Variants in VPS45 observed in about 807,000 individuals in gnomAD.
The protein encoded by VPS45 is vacuolar protein sorting-associated protein 45.
VPS45 carries 35 observed loss-of-function variants against 75.9 expected under a neutral mutation model. The ratio of observed to expected loss-of-function variants is 0.46; its 90% CI spans 0.35 to 0.61. The LOEUF (loss-of-function observed/expected upper bound fraction) is 0.61, where lower values mean the gene tolerates loss of function less well. Ranked by LOEUF, VPS45 falls within the 20% of genes least tolerant of loss-of-function variation. VPS45 has a pLI of 0.00. For synonymous variants in VPS45, 220 were observed against 238.2 expected (o/e 0.92, Z 0.70); for missense variants, 559 against 685.9 (o/e 0.81, Z 2.07).
At chr1:150,076,335 A>G in intron 4 of VPS45, 23 bp downstream of exon 4, 1 of 1,577,138 alleles carries the variant, frequency 6.3e-7, no homozygotes, top group Non-Finnish European at 8.7e-7. Flanking sequence ...GTCCTGTAAC[A>G]CATCTCGTAT....
intron 10 of VPS45, among the ~76,000 whole-genome samples, chr1:150,085,917 C>T (rs1571839493): frequency 1.3e-5 from 2 of 151,964 alleles, no homozygotes; most frequent in East Asian, 3.9e-4. Context: ...GAAGATTTGC[C>T]ATACCATGAA....
intron 10 of VPS45, among the ~76,000 whole-genome samples, chr1:150,084,293 G>A (rs781865028): frequency 5.3e-5 from 8 of 152,158 alleles, no homozygotes; most frequent in Non-Finnish European, 1.2e-4. Flanking sequence ...AGGATCTTAT[G>A]TAGAAAGTTG....
intron 14 of VPS45, among the ~76,000 whole-genome samples, chr1:150,141,451 A>G (rs919930302): frequency 2.6e-5 from 4 of 152,222 alleles, no homozygotes; most frequent in African/African-American, 9.6e-5. Flanking sequence ...GAATAGAAAC[A>G]CAGTTGTTCA....
intron 13 of VPS45, among the ~76,000 whole-genome samples, chr1:150,108,226 A>G (rs190250986): frequency 9.8e-5 from 15 of 152,320 alleles, no homozygotes; most frequent in African/African-American, 3.6e-4. Flanking sequence ...GGAGTTTAGA[A>G]GAAAGGTCTG....
chr1:150,101,268 C>CAA (rs782740342), intron 13 of VPS45, among the ~76,000 whole-genome samples: 129,410 of 137,340 alleles, frequency 0.94, 61,159 homozygotes, highest in East Asian at 0.99. Flanking sequence ...AACCCTGTCG[C>CAA]AAAAAAAAAA....
chr1:150,080,868 G>A (rs1553799158), intron 7 of VPS45, among the ~76,000 whole-genome samples: 1 of 152,122 alleles, frequency 6.6e-6, no homozygotes, highest in African/African-American at 2.4e-5. Context: ...CAACTCACAA[G>A]GTTTTTCTGA....
chr1:150,070,075 T>G (rs1240776177), intron 2 of VPS45, among the ~76,000 whole-genome samples: 1 of 152,154 alleles, frequency 6.6e-6, no homozygotes, highest in East Asian at 1.9e-4. Context: ...CATAGTCTTC[T>G]TCCTCTGCCT....
chr1:150,126,058 G>A (rs1235068104), intron 14 of VPS45, among the ~76,000 whole-genome samples: 4 of 151,912 alleles, frequency 2.6e-5, no homozygotes, highest in Admixed American at 1.3e-4. Flanking sequence ...TCCCCATCTC[G>A]GTGGGGACAA....
intron 14 of VPS45, among the ~76,000 whole-genome samples, chr1:150,120,369 T>C (rs1658173047): frequency 6.6e-6 from 1 of 152,188 alleles, no homozygotes; most frequent in Non-Finnish European, 1.5e-5. Flanking sequence ...AAAATCTTAG[T>C]TGTAAACAAA....
intron 14 of VPS45, among the ~76,000 whole-genome samples, chr1:150,113,530 A>G (rs1242366808): frequency 6.6e-6 from 1 of 152,224 alleles, no homozygotes; most frequent in Non-Finnish European, 1.5e-5. Flanking sequence ...AAATCCGTGC[A>G]AAGTATTCAT....
chr1:150,101,857 T>C (rs986887433), intron 13 of VPS45, among the ~76,000 whole-genome samples: 3 of 152,112 alleles, frequency 2.0e-5, no homozygotes, highest in African/African-American at 7.2e-5. Context: ...TGGCAGTTCC[T>C]CAAAGATTTA....
intron 3 of VPS45, among the ~76,000 whole-genome samples, chr1:150,075,676 TTA>T (rs1655333929): frequency 6.6e-6 from 1 of 152,126 alleles, no homozygotes; most frequent in South Asian, 2.1e-4. Context: ...GTAGTACAGT[TTA>T]TATATAAAAG....
At chr1:150,143,382 G>A (rs1232566613) in intron 14 of VPS45, among the ~76,000 whole-genome samples, 3 of 152,094 alleles carry the variant, frequency 2.0e-5, no homozygotes, top group African/African-American at 7.2e-5. Flanking sequence ...TTGAGGCCAG[G>A]AATTTGAGAC....
chr1:150,105,104 GT>G (rs1403573167), intron 13 of VPS45, among the ~76,000 whole-genome samples: 2 of 152,126 alleles, frequency 1.3e-5, no homozygotes, highest in African/African-American at 4.8e-5. Context: ...AACATCTGTT[GT>G]TTTTTGACTT....
At chr1:150,129,396 A>T (rs1239458958) in intron 14 of VPS45, among the ~76,000 whole-genome samples, 1 of 152,162 alleles carries the variant, frequency 6.6e-6, no homozygotes, top group African/African-American at 2.4e-5. Context: ...AAAGAAATTT[A>T]AAAAAGAAAA....
At chr1:150,115,132 A>G (rs1657863372) in intron 14 of VPS45, among the ~76,000 whole-genome samples, 1 of 152,036 alleles carries the variant, frequency 6.6e-6, no homozygotes, top group Non-Finnish European at 1.5e-5. Context: ...CTTCTCTTTC[A>G]TCTCCTGTTG....
intron 14 of VPS45, among the ~76,000 whole-genome samples, chr1:150,140,823 A>C (rs1659357061): frequency 6.6e-6 from 1 of 152,240 alleles, no homozygotes; most frequent in Admixed American, 6.5e-5. Context: ...CAAATAAATT[A>C]CAACACAGTA....
chr1:150,099,832 C>CAAAAA (rs1241681093), intron 13 of VPS45, among the ~76,000 whole-genome samples: 7 of 108,496 alleles, frequency 6.5e-5, no homozygotes, highest in African/African-American at 2.6e-4. Context: ...GACTCCGTCT[C>CAAAAA]AAAAAAAAAA....
intron 14 of VPS45, among the ~76,000 whole-genome samples, chr1:150,119,622 G>T (rs1177345289): frequency 1.3e-5 from 2 of 152,090 alleles, no homozygotes; most frequent in African/African-American, 4.8e-5. Context: ...GGTATGGTTG[G>T]CCATGTCTTA....
Sources: gnomAD v4.1 joint callset for allele counts (sites outside exome capture counted in the v4.1 genomes callset) on GRCh38, gnomAD v4.1.1 for gene constraint, MANE v1.5 for transcripts, NCBI Gene and HGNC (gene_info 2026-07-23, HGNC 2026-07-21) for gene names.